SLC25A15: variants seen among roughly 807,000 people sequenced by gnomAD.
SLC25A15 encodes solute carrier family 25 member 15.
In SLC25A15, 24 loss-of-function variants were observed where a neutral mutation model predicts 32.3. The ratio of observed to expected loss-of-function variants is 0.74; its 90% CI spans 0.54 to 1.04. SLC25A15 has a LOEUF of 1.04. Ranked by LOEUF, SLC25A15 falls within the 50% of genes least tolerant of loss-of-function variation. The pLI is 0.00. For synonymous variants in SLC25A15, 132 were observed against 142.1 expected (o/e 0.93, Z 0.51); for missense variants, 317 against 374.5 (o/e 0.85, Z 1.27).
intron 6 of SLC25A15, 43 bp downstream of exon 6, chr13:40,808,639 A>C (rs1397816765): frequency 1.9e-6 from 3 of 1,566,582 alleles, no homozygotes; most frequent in Admixed American, 3.4e-5. Context: ...TACATCTTAA[A>C]ATCTGAGATA....
intron 2 of SLC25A15, 56 bp from the exon 3 acceptor site, chr13:40,799,001 C>T (rs1334545851): frequency 7.4e-6 from 12 of 1,613,832 alleles, no homozygotes; most frequent in African/African-American, 2.7e-5. Context: ...TGCCTTCCTT[C>T]CATGGATAAT....
At chr13:40,798,998 C>T (rs2138045489) in intron 2 of SLC25A15, 59 bp from the exon 3 acceptor site, 2 of 1,613,770 alleles carry the variant, frequency 1.2e-6, no homozygotes, top group Non-Finnish European at 8.5e-7. Context: ...CTGTGCCTTC[C>T]TTCCATGGAT....
At chr13:40,807,595 T>C (rs1882247427) in intron 5 of SLC25A15, 132 bp downstream of exon 5, 6 of 1,002,356 alleles carry the variant, frequency 6.0e-6, no homozygotes, top group East Asian at 2.4e-5. Context: ...GGGAAGCTTC[T>C]GGATGCCTGA....
At position 40,793,154 on chromosome 13, in the gene SLC25A15, C is replaced by A. The variant is rs945840491; in HGVS notation, c.-69-4C>A. The A allele has an allele frequency of 6.7e-7, 1 of 1,500,116 alleles. No homozygotes were observed. 92.9% of individuals were successfully genotyped at this position (1,500,116 alleles called of 1,614,324 possible). A position where few individuals can be genotyped will look rare whatever the true frequency, so the allele number is the denominator to read the frequency against. On this transcript the variant is annotated splice_region_variant and splice_polypyrimidine_tract_variant and intron_variant, in intron 1 of 6. Coordinates refer to ENST00000338625, the MANE Select transcript of SLC25A15 (RefSeq NM_014252.4). ...ACTAATGGTGAACTCTTGCCTCCCC[C>A]CAGGGATATGTGGTGCCTGTCATAA...
chr13:40,807,643 T>A (rs772977811), intron 5 of SLC25A15, among the ~76,000 whole-genome samples, 180 bp downstream of exon 5: 24 of 152,172 alleles, frequency 1.6e-4, no homozygotes, highest in Non-Finnish European at 2.2e-4. Context: ...GCACCCACCC[T>A]CCAGGCCTGA....
intron 1 of SLC25A15, 34 bp downstream of exon 1, chr13:40,789,697 G>C (rs983501057): frequency 6.6e-6 from 1 of 151,724 alleles, no homozygotes; most frequent in Non-Finnish European, 1.5e-5. Context: ...CTGCAGCTGC[G>C]GGGAGCGCGC....
Position 40,809,974 on chromosome 13 carries a change from A to C in SLC25A15, c.*307A>C. 5.1e-6 allele frequency: 2 copies of C among 389,026 alleles called. No individual in the cohort carries two copies. Among genetic ancestry groups the C allele is most frequent in the Non-Finnish European group, 9.7e-6 (2 of 205,502 alleles). The allele number at this position is 389,026 out of a possible 1,614,324, so 24.1% of individuals were successfully genotyped here. On this transcript the variant is annotated 3_prime_UTR_variant, in exon 7 of 7. Coordinates refer to ENST00000338625, the MANE Select transcript of SLC25A15 (RefSeq NM_014252.4). Reference sequence around the variant, plus strand: ...ATAGTTCTGTCAGGGCTTTTACGTAAACCTCCACTTGTACATGCAATTTGG... The same window carrying C: ...ATAGTTCTGTCAGGGCTTTTACGTACACCTCCACTTGTACATGCAATTTGG...
Position 40,810,926 on chromosome 13 carries a change from CCCTT to C in SLC25A15, c.*1262_*1265del, listed in dbSNP as rs1882421243. 1.9e-6 allele frequency: 1 copy of C among 521,944 alleles called. No individual in the cohort carries two copies. The highest frequency in any genetic ancestry group is 1.9e-5 in the African/African-American group (1 of 51,622). The allele number at this position is 521,944 out of a possible 1,614,324, so 32.3% of individuals were successfully genotyped here. Reference sequence around the variant, plus strand: ...CTGCTCTGCCTCCACCAATCAGAAACCCTTCCAAGGAACAGTGAGAGCCAAAGCC... The same window carrying C: ...CTGCTCTGCCTCCACCAATCAGAAACCCAAGGAACAGTGAGAGCCAAAGCC... On this transcript the variant is annotated 3_prime_UTR_variant, in exon 7 of 7. Transcript: ENST00000338625.
rs754981827 is a variant in SLC25A15, at chr13:40,793,221, G to A, written c.-6G>A. 14 of 1,613,908 alleles carry A rather than the reference G, an allele frequency of 8.7e-6. No individual in the cohort carries two copies. Among genetic ancestry groups the A allele is most frequent in the Middle Eastern group, 1.6e-4 (1 of 6,084 alleles). On this transcript the variant is annotated 5_prime_UTR_variant, in exon 2 of 7. Coordinates refer to ENST00000338625, the MANE Select transcript of SLC25A15 (RefSeq NM_014252.4). ...TTCCACAAGACCAGCAGAAGAGTGG[G>A]CAAACATGAAATCCAATCCTGCTAT...
At chr13:40,803,139 T>G (rs1202372166) in intron 3 of SLC25A15, among the ~76,000 whole-genome samples, 1 of 151,984 alleles carries the variant, frequency 6.6e-6, no homozygotes, top group African/African-American at 2.4e-5. Context: ...CTGGAAGGGA[T>G]CTTCTATCCC....
Position 40,810,908 on chromosome 13 carries a change from G to GCCTCCACCAATCAGAAAC in SLC25A15, c.*1245_*1262dup, listed in dbSNP as rs764550786. 5.7e-6 allele frequency: 3 copies of GCCTCCACCAATCAGAAAC among 530,594 alleles called. No homozygotes were observed. 32.9% of individuals were successfully genotyped at this position (530,594 alleles called of 1,614,324 possible). ...CTTTGGGCCACTCACTGTCTGCTCT[G>GCCTCCACCAATCAGAAAC]CCTCCACCAATCAGAAACCCTTCCA... is the stretch of plus-strand genomic sequence containing the variant. On this transcript the variant is annotated 3_prime_UTR_variant, in exon 7 of 7. Transcript: ENST00000338625.
In SLC25A15 at chr13:40,805,229, A is replaced by T; in HGVS notation, c.426A>T (p.Thr142=). 6.2e-7 allele frequency: 1 copy of T among 1,614,226 alleles called. No homozygotes were observed. The highest frequency in any genetic ancestry group is 8.5e-7 in the Non-Finnish European group (1 of 1,180,042). ...CRLQTMYEME[T]SGKIAKSQNT... is the part of the protein sequence containing the mutation. Reference sequence around the variant, plus strand: ...TGCAGACCATGTATGAGATGGAGACATCAGGGAAGATAGCCAAGAGCCAGA... The same window carrying T: ...TGCAGACCATGTATGAGATGGAGACTTCAGGGAAGATAGCCAAGAGCCAGA... The change falls in exon 4 of 7, where the codon ACA becomes ACT. Residue 142 remains threonine, a synonymous_variant. Coordinates refer to ENST00000338625, the MANE Select transcript of SLC25A15 (RefSeq NM_014252.4).
Position 40,809,593 on chromosome 13 carries a change from C to T in SLC25A15, c.832C>T (p.Pro278Ser), listed in dbSNP as rs759639317. The T allele has an allele frequency of 6.2e-6, 10 of 1,612,060 alleles. No individual in the cohort carries two copies. In the Admixed American group the frequency reaches 1.5e-4, roughly 24 times the overall value. ...GAAACCTACTATGATTCGAGCATTC[C>T]CTGCCAATGGAGCACTCTTTTTGGC... is the stretch of plus-strand genomic sequence containing the variant. ...GLKPTMIRAF[P>S]ANGALFLAYE... The change falls in exon 7 of 7, where the codon CCT becomes TCT. Residue 278 changes from proline to serine, a missense_variant. Physicochemically the swap from Pro to Ser is moderately conservative, Grantham distance 74. Coordinates refer to ENST00000338625, the MANE Select transcript of SLC25A15 (RefSeq NM_014252.4).
chr13:40,810,963 G>A lies in SLC25A15; in HGVS notation c.*1296G>A, dbSNP rs1372643301. 1 of 448,012 alleles carries A rather than the reference G, an allele frequency of 2.2e-6. No homozygotes were observed. The highest frequency in any genetic ancestry group is 4.5e-6 in the Non-Finnish European group (1 of 220,040). The allele number at this position is 448,012 out of a possible 1,614,324, so 27.8% of individuals were successfully genotyped here. On this transcript the variant is annotated 3_prime_UTR_variant, in exon 7 of 7. Transcript: ENST00000338625. ...ACAGTGAGAGCCAAAGCCAAGAGAA[G>A]CCTTCTTCCCTGTTTGGTGATTGTG... is the stretch of plus-strand genomic sequence containing the variant.
In SLC25A15 at chr13:40,798,887, C is replaced by T. The variant is rs1372756123; in HGVS notation, c.56-170C>T. ...GGTGGGACTTAGATGCCAGGCACAT[C>T]AAGGACCTGCTCTAAATTGTTTACT... On this transcript the variant is annotated intron_variant, in intron 2 of 6. Transcript: ENST00000338625. 3 of 985,306 alleles carry T rather than the reference C, an allele frequency of 3.0e-6. No individual in the cohort carries two copies. The East Asian group carries it at 3.4e-4, about 112-fold the overall frequency. The allele number at this position is 985,306 out of a possible 1,614,324, so 61.0% of individuals were successfully genotyped here. A position where few individuals can be genotyped will look rare whatever the true frequency, so the allele number is the denominator to read the frequency against.
rs886043633 is a variant in SLC25A15 at position 40,799,270 on chromosome 13, A to T, written c.269A>T (p.Gln90Leu). 3 of 1,614,174 alleles carry T rather than the reference A, an allele frequency of 1.9e-6. No homozygotes were observed. The highest frequency in any genetic ancestry group is 1.3e-5 in the African/African-American group (1 of 75,022). The change falls in exon 3 of 7, where the codon CAG becomes CTG. Residue 90 changes from glutamine to leucine, a missense_variant. Gln to Leu is a moderately radical substitution (Grantham distance 113). Transcript: ENST00000338625. ...VLFMCYGFCQ[Q>L]VVRKVAGLDK... ...TTCATGTGCTACGGCTTCTGCCAGC[A>T]GGTGGTGCGGAAAGTGGCTGGATTG...
intron 1 of SLC25A15, among the ~76,000 whole-genome samples, chr13:40,789,993 G>T (rs1593287043): frequency 6.6e-6 from 1 of 152,234 alleles, no homozygotes; most frequent in East Asian, 1.9e-4. Context: ...CTGCCCAGGA[G>T]TGGGCGGCTG....
chr13:40,801,356 T>C (rs1373287212), intron 3 of SLC25A15, among the ~76,000 whole-genome samples: 2 of 151,676 alleles, frequency 1.3e-5, no homozygotes, highest in African/African-American at 4.8e-5. Flanking sequence ...GCCTCTTACC[T>C]GTTGGGGAAA....
chr13:40,809,474 C>T (rs200416913), intron 6 of SLC25A15, 69 bp from the exon 7 acceptor site: 7 of 1,595,054 alleles, frequency 4.4e-6, no homozygotes, highest in Non-Finnish European at 6.0e-6. Context: ...TATACCTATG[C>T]TATGCAGCTG....
Sources: allele counts gnomAD v4.1 joint callset (sites outside exome capture counted in the v4.1 genomes callset), GRCh38; gene constraint gnomAD v4.1.1; transcripts MANE v1.5; gene names NCBI Gene and HGNC (gene_info 2026-07-23, HGNC 2026-07-21).